Variants in PDE4D observed in about 807,000 individuals in gnomAD.
PDE4D encodes the protein 3',5'-cyclic-AMP phosphodiesterase 4D.
PDE4D carries 24 observed loss-of-function variants against 87.4 expected under a neutral mutation model. The ratio of observed to expected loss-of-function variants is 0.27; its 90% confidence interval spans 0.20 to 0.39. The LOEUF (loss-of-function observed/expected upper bound fraction) is 0.39. PDE4D is among the 10% of genes least tolerant of loss of function. The pLI, the probability that PDE4D is intolerant of heterozygous loss-of-function variation, is 1.00. For missense variants in PDE4D, 714 were observed against 1,041.0 expected (o/e 0.69, Z 4.32); for synonymous variants, 384 against 383.2 (o/e 1.00, Z -0.02).
intron 5 of PDE4D, among the ~76,000 whole-genome samples, chr5:59,076,808 G>C (rs1473448854): frequency 6.6e-6 from 1 of 152,008 alleles, no homozygotes; most frequent in Non-Finnish European, 1.5e-5. Context: ...CAACAACATA[G>C]TATAACTGAC....
intron 1 of PDE4D, among the ~76,000 whole-genome samples, chr5:59,842,673 T>C (rs571034217): frequency 9.2e-5 from 14 of 152,210 alleles, no homozygotes; most frequent in African/African-American, 3.4e-4. Flanking sequence ...CATTATCTTA[T>C]AGTCACAGCT....
Position 59,274,666 on chromosome 5 carries a change from T to C in PDE4D, c.456-58698A>G, listed in dbSNP as rs548263702. On this transcript the variant is annotated intron_variant, in intron 1 of 14. Transcript: ENST00000340635. ...AAGTTACTTTGTTGGAAAATACTCCTTAAGGGCCATGCCATATGCTGATTA... is the reference window on the plus strand; with the variant it reads ...AAGTTACTTTGTTGGAAAATACTCCCTAAGGGCCATGCCATATGCTGATTA... 1.5e-3 allele frequency among the ~76,000 whole-genome samples: 224 copies of C among 152,232 alleles called. 1 individual carries two copies. Among genetic ancestry groups the C allele is most frequent in the African/African-American group, 4.9e-3 (202 of 41,550 alleles).
At chr5:59,189,257 T>TTG (rs1554092808) in intron 3 of PDE4D, among the ~76,000 whole-genome samples, 3 of 143,700 alleles carry the variant, frequency 2.1e-5, no homozygotes, top group African/African-American at 7.9e-5. Flanking sequence ...TTTTTTGTTT[T>TTG]TTTTTTTTTG....
chr5:59,494,871 G>A (rs1806877646), intron 1 of PDE4D, among the ~76,000 whole-genome samples: 1 of 152,136 alleles, frequency 6.6e-6, no homozygotes, highest in Admixed American at 6.5e-5. Flanking sequence ...CTCACTTGGA[G>A]TGTTGGAATA....
rs193087192 is a variant in PDE4D, at chr5:59,447,669, T to A, written c.456-231701A>T. On this transcript the variant is annotated intron_variant, in intron 1 of 14. Transcript: ENST00000340635. ...TGCACAGAATGTATGTAAAAAACTT[T>A]AAGTACTTTTGTAATTAATTTGAAA... Among the ~76,000 whole-genome samples the A allele has an allele frequency of 1.8e-3, 278 of 152,346 alleles. 1 individual carries two copies. The highest frequency in any genetic ancestry group is 3.3e-3 in the Non-Finnish European group (222 of 68,028).
intron 1 of PDE4D, among the ~76,000 whole-genome samples, chr5:59,619,540 G>A (rs564023620): frequency 2.0e-5 from 3 of 152,276 alleles, no homozygotes; most frequent in African/African-American, 7.2e-5. Flanking sequence ...AAAAGGCTTT[G>A]CAGGTGATTC....
At chr5:59,694,967 CAG>C (rs1561491184) in intron 1 of PDE4D, among the ~76,000 whole-genome samples, 2 of 152,134 alleles carry the variant, frequency 1.3e-5, no homozygotes, top group Non-Finnish European at 1.5e-5. Flanking sequence ...CAAGGAGGCA[CAG>C]AGAGGTGCTC....
intron 1 of PDE4D, among the ~76,000 whole-genome samples, chr5:59,571,603 T>A (rs902006005): frequency 6.6e-6 from 1 of 152,200 alleles, no homozygotes; most frequent in Non-Finnish European, 1.5e-5. Context: ...CAATCAAACA[T>A]CTTTTACTCA....
intron 1 of PDE4D, among the ~76,000 whole-genome samples, chr5:59,403,723 G>A (rs1001757414): frequency 2.6e-5 from 4 of 152,122 alleles, no homozygotes; most frequent in Admixed American, 1.3e-4. Flanking sequence ...GGGAAACTTA[G>A]GTTGCTTCCA....
At chr5:59,090,789 T>C (rs1768564769) in intron 5 of PDE4D, among the ~76,000 whole-genome samples, 1 of 142,830 alleles carries the variant, frequency 7.0e-6, no homozygotes, top group Non-Finnish European at 1.5e-5. Context: ...TCAGTAGCCA[T>C]GTTTTTTTTT....
At chr5:59,557,509 G>GT (rs1172682745) in intron 1 of PDE4D, among the ~76,000 whole-genome samples, 68 of 147,134 alleles carry the variant, frequency 4.6e-4, no homozygotes, top group African/African-American at 4.7e-4. Flanking sequence ...TTGTGGCCAG[G>GT]TTTTTTTTTT....
rs1741295358 is a variant in PDE4D, at chr5:59,180,586, C to A, written c.808+9G>T. On this transcript the variant is annotated intron_variant, in intron 5 of 14. Transcript: ENST00000340635. ...GACACATGAAGAATAAGCTCCAGAT[C>A]TTTCTTACCTGTTATGGTGGCTTTG... The A allele has an allele frequency of 2.5e-6, 4 of 1,611,872 alleles. No individual in the cohort carries two copies. The highest frequency in any genetic ancestry group is 3.4e-6 in the Non-Finnish European group (4 of 1,178,624).
chr5:59,285,890 T>A (rs1238800790), intron 1 of PDE4D, among the ~76,000 whole-genome samples: 1 of 152,146 alleles, frequency 6.6e-6, no homozygotes, highest in Non-Finnish European at 1.5e-5. Flanking sequence ...AAAGGCTGCA[T>A]CCTGGCCAGT....
chr5:59,473,133 G>GA (rs1802738097), intron 1 of PDE4D, among the ~76,000 whole-genome samples: 2 of 130,598 alleles, frequency 1.5e-5, no homozygotes, highest in South Asian at 2.6e-4. Context: ...GAATGACCTA[G>GA]AAAAAAGTCT....
chr5:60,521,331 T>C (rs185255702), intron 1 of PDE4D: 6 of 152,288 alleles, frequency 3.9e-5, no homozygotes, highest in African/African-American at 7.2e-5. Flanking sequence ...TGCATGGCAA[T>C]ATATTTAGTT....
intron 1 of PDE4D, among the ~76,000 whole-genome samples, chr5:59,522,303 T>C (rs1234744124): frequency 6.6e-6 from 1 of 152,144 alleles, no homozygotes; most frequent in Non-Finnish European, 1.5e-5. Context: ...TTAAAACAAG[T>C]CTTATGAATC....
intron 1 of PDE4D, among the ~76,000 whole-genome samples, chr5:59,635,340 A>G (rs1175149633): frequency 6.6e-6 from 1 of 152,228 alleles, no homozygotes; most frequent in African/African-American, 2.4e-5. Context: ...TCCTTCTGAA[A>G]CTATTCCAAT....
chr5:59,833,349 A>C (rs1048059082), intron 1 of PDE4D, among the ~76,000 whole-genome samples: 2 of 152,126 alleles, frequency 1.3e-5, no homozygotes, highest in Middle Eastern at 3.4e-3. Flanking sequence ...AGGAGAGGGA[A>C]GAAAAATTTG....
chr5:60,201,895 A>T (rs139697948), intron 1 of PDE4D, among the ~76,000 whole-genome samples: 85 of 152,354 alleles, frequency 5.6e-4, no homozygotes, highest in African/African-American at 1.9e-3. Flanking sequence ...GACAGAGTTA[A>T]CATTTTTTAT....
Sources: allele counts gnomAD v4.1 joint callset (sites outside exome capture counted in the v4.1 genomes callset), GRCh38; gene constraint gnomAD v4.1.1; transcripts MANE v1.5; gene names NCBI Gene and HGNC (gene_info 2026-07-23, HGNC 2026-07-21).